The following DIAPH3 variants were observed in gnomAD, a reference collection of about 807,000 sequenced individuals.
DIAPH3 encodes diaphanous related formin 3.
In DIAPH3, 117 loss-of-function variants were observed where a neutral mutation model predicts 144.3. That is an observed-to-expected ratio of 0.81 (90% CI 0.70 to 0.95). DIAPH3 has a LOEUF of 0.95. Ranked by LOEUF, DIAPH3 falls within the 40% of genes least tolerant of loss-of-function variation. DIAPH3 has a pLI of 0.00. For synonymous variants in DIAPH3, 519 were observed against 488.9 expected (o/e 1.06, Z -0.81); for missense variants, 1,421 against 1,412.7 (o/e 1.01, Z -0.09).
At chr13:59,740,753 T>C (rs540215736) in intron 27 of DIAPH3, among the ~76,000 whole-genome samples, 1 of 152,286 alleles carries the variant, frequency 6.6e-6, no homozygotes, top group Admixed American at 6.5e-5. Flanking sequence ...TTAGAATCAC[T>C]TGATCTATAT....
At chr13:60,033,716 CAGG>C (rs1459431556) in intron 5 of DIAPH3, among the ~76,000 whole-genome samples, 1 of 152,174 alleles carries the variant, frequency 6.6e-6, no homozygotes, top group Non-Finnish European at 1.5e-5. Flanking sequence ...TACAATTCAA[CAGG>C]AGATCTGAGC....
chr13:59,917,618 C>T (rs1254802069), intron 18 of DIAPH3, among the ~76,000 whole-genome samples: 4 of 151,936 alleles, frequency 2.6e-5, no homozygotes, highest in Admixed American at 6.5e-5. Context: ...TGGCCAGGCA[C>T]GGTGGCTCAC....
At chr13:59,889,077 G>T (rs887169028) in intron 20 of DIAPH3, among the ~76,000 whole-genome samples, 2 of 151,876 alleles carry the variant, frequency 1.3e-5, no homozygotes, top group African/African-American at 4.8e-5. Flanking sequence ...ACTAGGCTGT[G>T]CCATGATATC....
chr13:59,904,501 G>A (rs1194152712), intron 20 of DIAPH3, among the ~76,000 whole-genome samples: 1 of 152,026 alleles, frequency 6.6e-6, no homozygotes, highest in African/African-American at 2.4e-5. Flanking sequence ...AGCAACTGAA[G>A]GAATTTAGAG....
intron 20 of DIAPH3, among the ~76,000 whole-genome samples, chr13:59,893,490 G>A (rs2045924808): frequency 6.6e-6 from 1 of 152,078 alleles, no homozygotes; most frequent in Non-Finnish European, 1.5e-5. Context: ...GAGTAAAAGG[G>A]AAAGCTGGAG....
chr13:60,108,726 A>C lies in DIAPH3; in HGVS notation c.390+3284T>G, dbSNP rs199918259. On this transcript the variant is annotated intron_variant, in intron 3 of 27. Transcript: ENST00000400324. ...AAGAGGTCATGAAAGCTTGAACTAA[A>C]GCAGGGGGGAAATAAACTTAAGAGC... is the stretch of plus-strand genomic sequence containing the variant. Among the ~76,000 whole-genome samples the C allele has an allele frequency of 8.5e-5, 13 of 152,318 alleles. No homozygotes were observed. The East Asian group carries it at 1.9e-3, about 23-fold the overall frequency.
At chr13:60,081,658 G>A (rs1424119607) in intron 4 of DIAPH3, among the ~76,000 whole-genome samples, 1 of 151,972 alleles carries the variant, frequency 6.6e-6, no homozygotes, top group Non-Finnish European at 1.5e-5. Context: ...CAAACTACAG[G>A]AGGTTGAAGA....
At chr13:60,001,294 G>A (rs1266926865) in intron 9 of DIAPH3, among the ~76,000 whole-genome samples, 1 of 152,112 alleles carries the variant, frequency 6.6e-6, no homozygotes, top group Non-Finnish European at 1.5e-5. Flanking sequence ...TTACTAAGAG[G>A]TCAATCAGAA....
rs1027327523 is a variant in DIAPH3, at chr13:60,145,917, C to T, written c.181-12928G>A. Among the ~76,000 whole-genome samples, 6 of 151,960 alleles carry T rather than the reference C, an allele frequency of 3.9e-5. 1 individual carries two copies. The highest frequency in any genetic ancestry group is 1.5e-4 in the African/African-American group (6 of 41,378). The stretch of plus-strand genomic sequence containing the variant: ...AAATTATCCACATTCCAACATGTCA[C>T]TAAAAAATGCTTGTCAGGAATTATA... On this transcript the variant is annotated intron_variant, in intron 1 of 27. Transcript: ENST00000400324.
chr13:60,117,663 T>C (rs2058735253), intron 2 of DIAPH3, among the ~76,000 whole-genome samples: 1 of 152,112 alleles, frequency 6.6e-6, no homozygotes, highest in Non-Finnish European at 1.5e-5. Flanking sequence ...TATGATTCCA[T>C]TCACACATGG....
At position 59,693,445 on chromosome 13, in the gene DIAPH3, G is replaced by C. The variant is rs560034022; in HGVS notation, c.3320-26599C>G. Reference sequence around the variant, plus strand: ...TGATTGTCAAAACTCAGGCTTAAAAGTGTATGACATTATTCCAAGGAATTA... The same window carrying C: ...TGATTGTCAAAACTCAGGCTTAAAACTGTATGACATTATTCCAAGGAATTA... On this transcript the variant is annotated intron_variant, in intron 27 of 27. Transcript: ENST00000400324. Among the ~76,000 whole-genome samples, 18 of 152,276 alleles carry C rather than the reference G, an allele frequency of 1.2e-4. No homozygotes were observed. The South Asian group carries it at 3.7e-3, about 32-fold the overall frequency.
chr13:59,944,637 T>C (rs532485367), intron 17 of DIAPH3, among the ~76,000 whole-genome samples: 1 of 152,258 alleles, frequency 6.6e-6, no homozygotes, highest in Non-Finnish European at 1.5e-5. Flanking sequence ...GAAAAATTGA[T>C]AGATTTGACT....
At chr13:60,066,414 T>C (rs1304636487) in intron 4 of DIAPH3, among the ~76,000 whole-genome samples, 5 of 152,192 alleles carry the variant, frequency 3.3e-5, no homozygotes, top group Non-Finnish European at 5.9e-5. Flanking sequence ...AATACAGTGG[T>C]GTTGCTGGTA....
intron 25 of DIAPH3, among the ~76,000 whole-genome samples, chr13:59,775,557 G>A (rs1458592471): frequency 6.6e-6 from 1 of 152,224 alleles, no homozygotes; most frequent in African/African-American, 2.4e-5. Flanking sequence ...GAGTGTTTTT[G>A]TTGTTACTGA....
At chr13:59,952,351 A>C (rs1566563890) in intron 17 of DIAPH3, among the ~76,000 whole-genome samples, 1 of 152,178 alleles carries the variant, frequency 6.6e-6, no homozygotes, top group African/African-American at 2.4e-5. Flanking sequence ...ACAATTATTC[A>C]TAGTTAATTT....
At chr13:59,892,611 A>T (rs170988) in intron 20 of DIAPH3, among the ~76,000 whole-genome samples, 10,625 of 152,080 alleles carry the variant, frequency 0.07, 774 homozygotes, top group East Asian at 0.4. Context: ...AAATACTCCA[A>T]GTCCTAAAGC....
chr13:59,893,036 T>G (rs1195372546), intron 20 of DIAPH3, among the ~76,000 whole-genome samples: 6 of 152,118 alleles, frequency 3.9e-5, no homozygotes, highest in Non-Finnish European at 7.4e-5. Flanking sequence ...AAATCTCATT[T>G]AATAACAAGA....
chr13:59,675,429 G>A (rs2032596377), intron 27 of DIAPH3, among the ~76,000 whole-genome samples: 1 of 150,648 alleles, frequency 6.6e-6, no homozygotes, highest in African/African-American at 2.4e-5. Context: ...CTGTCGCCCA[G>A]GCTGGAGTGC....
intron 4 of DIAPH3, among the ~76,000 whole-genome samples, chr13:60,052,778 T>A (rs1218692355): frequency 6.6e-6 from 1 of 151,488 alleles, no homozygotes; most frequent in Admixed American, 6.6e-5. Context: ...CTGGCCAACA[T>A]AGTGAAACCC....
Sources: allele counts gnomAD v4.1 joint callset (sites outside exome capture counted in the v4.1 genomes callset), GRCh38; gene constraint gnomAD v4.1.1; transcripts MANE v1.5; gene names NCBI Gene and HGNC (gene_info 2026-07-23, HGNC 2026-07-21).